The following SLC9C1 variants were observed in gnomAD, a reference collection of about 807,000 sequenced individuals.
The protein encoded by SLC9C1 is sodium/hydrogen exchanger 10.
A neutral mutation model predicts 140.9 loss-of-function variants in SLC9C1; 97 were observed. The observed-to-expected ratio is 0.69, with a 90% CI of 0.58 to 0.82. SLC9C1 has a LOEUF of 0.82. SLC9C1 is among the 40% of genes least tolerant of loss of function. The probability of loss-of-function intolerance (pLI) is 0.00; values close to 1 mark genes in which losing one functional copy is unlikely to be tolerated. For synonymous variants in SLC9C1, 440 were observed against 442.6 expected (o/e 0.99, Z 0.07); for missense variants, 1,340 against 1,389.3 (o/e 0.96, Z 0.56).
intron 16 of SLC9C1, among the ~76,000 whole-genome samples, chr3:112,205,890 C>A: frequency 1.7e-5 from 1 of 60,266 alleles, no homozygotes. Context: ...GACCTAAAAC[C>A]ATAAAACCCT....
intron 23 of SLC9C1, among the ~76,000 whole-genome samples, chr3:112,178,770 G>A (rs1271880260): frequency 6.6e-6 from 1 of 152,084 alleles, no homozygotes; most frequent in African/African-American, 2.4e-5. Flanking sequence ...AGTAGTTTTA[G>A]CACCAACTGA....
chr3:112,234,205 T>C (rs1181226819), intron 12 of SLC9C1, among the ~76,000 whole-genome samples: 1 of 152,188 alleles, frequency 6.6e-6, no homozygotes, highest in Non-Finnish European at 1.5e-5. Flanking sequence ...CTCGTTGTGG[T>C]TTTGATTTGC....
chr3:112,162,826 G>A (rs1311576512), intron 26 of SLC9C1, among the ~76,000 whole-genome samples: 54 of 120,140 alleles, frequency 4.5e-4, no homozygotes, highest in African/African-American at 1.7e-3. Flanking sequence ...CTATTGATTG[G>A]AATAGTTTCA....
chr3:112,185,643 C>G (rs2077521322), intron 20 of SLC9C1: 2 of 1,565,850 alleles, frequency 1.3e-6, no homozygotes, highest in African/African-American at 1.4e-5. Flanking sequence ...CCGGAAAGCT[C>G]CTTGGCGGTC....
In SLC9C1 at chr3:112,289,889, T is replaced by C. The variant is rs2080627592; in HGVS notation, c.-87-3011A>G. 4.6e-5 allele frequency among the ~76,000 whole-genome samples: 7 copies of C among 152,298 alleles called. No homozygotes were observed. In the South Asian group the frequency reaches 1.2e-3, roughly 27 times the overall value. On this transcript the variant is annotated intron_variant, in intron 1 of 28. Transcript: ENST00000305815. ...AGACATTCTCAACCTTGGCCACACA[T>C]GGAATCACGTGGCAAGTTTTAGAAA...
chr3:112,267,962 C>T (rs891891167), intron 7 of SLC9C1, among the ~76,000 whole-genome samples: 2 of 152,032 alleles, frequency 1.3e-5, no homozygotes, highest in Non-Finnish European at 2.9e-5. Context: ...CAGGGAAAGT[C>T]TTTTTACATT....
rs763633897 is a variant in SLC9C1, at chr3:112,151,449, A to C, written c.3524+408T>G. The stretch of plus-strand genomic sequence containing the variant: ...TGGTGTTATCCACAGTGTATCTTTT[A>C]TGGTAGTTTAATTGCCTTCTGGTAG... On this transcript the variant is annotated intron_variant, in intron 28 of 28. Transcript: ENST00000305815. The C allele has an allele frequency of 1.3e-5, 7 of 519,182 alleles. No homozygotes were observed. The Middle Eastern group carries it at 1.6e-3, about 118-fold the overall frequency. 32.2% of individuals were successfully genotyped at this position (519,182 alleles called of 1,614,324 possible).
At chr3:112,195,516 T>C (rs948208820) in intron 20 of SLC9C1, among the ~76,000 whole-genome samples, 7 of 152,154 alleles carry the variant, frequency 4.6e-5, no homozygotes, top group Non-Finnish European at 8.8e-5. Flanking sequence ...CTTTTCTAAA[T>C]ATCTGTAGCT....
rs1013241776 is a variant in SLC9C1, at chr3:112,271,409, A to ATATATATATATATATATATATC, written c.614-1333_614-1332insGATATATATATATATATATATA. Among the ~76,000 whole-genome samples the ATATATATATATATATATATATC allele has an allele frequency of 1.6e-3, 232 of 149,270 alleles. 2 individuals carry two copies. The highest frequency in any genetic ancestry group is 0.012 in the East Asian group (58 of 5,004). ...TTCTACATTGTATATATATATATAT[A>ATATATATATATATATATATATC]TCAAAGCCTCACATTGTACCCCATA... On this transcript the variant is annotated intron_variant, in intron 6 of 28. Coordinates refer to ENST00000305815, the MANE Select transcript of SLC9C1 (RefSeq NM_183061.3).
chr3:112,199,324 A>C lies in SLC9C1; in HGVS notation c.2520T>G (p.Asn840Lys), dbSNP rs2077843353. The change falls in exon 20 of 29, where the codon AAT becomes AAG. Residue 840 changes from asparagine to lysine, a missense_variant. By Grantham distance (94) the Asn-to-Lys change is moderately conservative. Transcript: ENST00000305815. ...IISKTEGAGI[N>K]KLIMAKKKEV... is the part of the protein sequence containing the mutation. Reference sequence around the variant, plus strand: ...CTTTGAAAATATTTTGCCTTACCTTATTAATTCCAGCACCTTCAGTTTTAC... The same window carrying C: ...CTTTGAAAATATTTTGCCTTACCTTCTTAATTCCAGCACCTTCAGTTTTAC... 1 of 1,563,534 alleles carries C rather than the reference A, an allele frequency of 6.4e-7. No individual in the cohort carries two copies. The highest frequency in any genetic ancestry group is 1.7e-4 in the Middle Eastern group (1 of 5,860).
At chr3:112,147,566 C>A (rs980957944) in intron 28 of SLC9C1, 14 of 369,534 alleles carry the variant, frequency 3.8e-5, no homozygotes, top group African/African-American at 2.9e-4. Context: ...ATATGAAATT[C>A]TTGGTTGGAA....
chr3:112,186,079 T>TA (rs2077534067), intron 20 of SLC9C1: 1 of 1,043,606 alleles, frequency 9.6e-7, no homozygotes, highest in Non-Finnish European at 1.3e-6. Flanking sequence ...TTTTGCCCAT[T>TA]AAAAAATGAA....
chr3:112,217,126 G>A (rs938050951), intron 15 of SLC9C1, among the ~76,000 whole-genome samples: 10 of 152,044 alleles, frequency 6.6e-5, no homozygotes, highest in African/African-American at 1.2e-4. Context: ...AACACCACAT[G>A]TTCTCACTCA....
intron 14 of SLC9C1, among the ~76,000 whole-genome samples, chr3:112,218,703 G>C (rs73853364): frequency 0.011 from 1,730 of 152,322 alleles, 40 homozygotes; most frequent in African/African-American, 0.038. Context: ...ACCAATTGCA[G>C]TAAAACGTGG....
At chr3:112,246,996 A>C (rs560594135) in intron 10 of SLC9C1, among the ~76,000 whole-genome samples, 1 of 152,156 alleles carries the variant, frequency 6.6e-6, no homozygotes, top group East Asian at 1.9e-4. Flanking sequence ...TCTCCTGAAA[A>C]CTCTGGTCTT....
chr3:112,199,052 G>A (rs535999830), intron 20 of SLC9C1, among the ~76,000 whole-genome samples: 16 of 150,554 alleles, frequency 1.1e-4, no homozygotes, highest in Non-Finnish European at 1.0e-4. Context: ...TGTAATCTAG[G>A]ATGACGAATA....
At position 112,167,365 on chromosome 3, in the gene SLC9C1, G is replaced by A. The variant is rs752074621; in HGVS notation, c.3238-18C>T. 1.9e-6 allele frequency: 3 copies of A among 1,562,904 alleles called. No homozygotes were observed. The highest frequency in any genetic ancestry group is 3.9e-5 in the Admixed American group (2 of 51,062). ...CTTTGTATCTGAAAGTTGACAGAAT[G>A]CAAGTTAATTTCTGAGCAAATATCC... On this transcript the variant is annotated intron_variant, in intron 25 of 28. Coordinates refer to ENST00000305815, the MANE Select transcript of SLC9C1 (RefSeq NM_183061.3).
chr3:112,188,247 TTATTA>T (rs1193321856), intron 20 of SLC9C1, among the ~76,000 whole-genome samples: 1 of 152,190 alleles, frequency 6.6e-6, no homozygotes, highest in East Asian at 1.9e-4. Context: ...TTTTTTATTA[TTATTA>T]TATTTTAAGT....
chr3:112,238,277 G>T (rs1239760226), intron 12 of SLC9C1, among the ~76,000 whole-genome samples: 2 of 152,168 alleles, frequency 1.3e-5, no homozygotes, highest in Non-Finnish European at 2.9e-5. Flanking sequence ...CATTCGTCAC[G>T]TAGTTCTCGT....
Sources: allele counts gnomAD v4.1 joint callset (sites outside exome capture counted in the v4.1 genomes callset), GRCh38; gene constraint gnomAD v4.1.1; transcripts MANE v1.5; gene names NCBI Gene and HGNC (gene_info 2026-07-23, HGNC 2026-07-21).